Variants in CALN1 observed in about 807,000 individuals in gnomAD.
The protein encoded by CALN1 is calcium-binding protein 8.
CALN1 carries 17 observed loss-of-function variants against 30.6 expected under a neutral mutation model. That is an observed-to-expected ratio of 0.56 (90% CI 0.38 to 0.83). The LOEUF (loss-of-function observed/expected upper bound fraction) is 0.83. Ranked by LOEUF, CALN1 falls within the 40% of genes least tolerant of loss-of-function variation. The pLI is 0.00. For missense variants in CALN1, 291 were observed against 354.9 expected, an observed-to-expected ratio of 0.82 and a Z score of 1.45; for synonymous variants, 156 against 131.4, an observed-to-expected ratio of 1.19 and a Z score of -1.28.
upstream of CALN1, among the ~76,000 whole-genome samples, chr7:72,414,963 T>G (rs558013588): frequency 6.6e-6 from 1 of 152,158 alleles, no homozygotes; most frequent in Non-Finnish European, 1.5e-5. Context: ...GTTTTAAGGG[T>G]GAAACCCTAA....
intron 2 of CALN1, chr7:72,336,828 G>A (rs1802087683): frequency 2.0e-6 from 2 of 984,932 alleles, no homozygotes; most frequent in South Asian, 4.7e-5. Context: ...GCAGCGCTCA[G>A]CCTCTCGCTC....
intron 3 of CALN1, among the ~76,000 whole-genome samples, chr7:72,179,186 A>C (rs1014217257): frequency 6.6e-6 from 1 of 152,264 alleles, no homozygotes; most frequent in African/African-American, 2.4e-5. Context: ...ATTCAGTAAC[A>C]AAACGAAGTA....
intron 5 of CALN1, among the ~76,000 whole-genome samples, chr7:72,019,771 A>G (rs552782407): frequency 1.3e-5 from 2 of 152,306 alleles, no homozygotes; most frequent in East Asian, 3.9e-4. Context: ...CAGCTCAGCC[A>G]GCTTTCAAAT....
intron 5 of CALN1, among the ~76,000 whole-genome samples, chr7:71,924,005 C>A (rs1795122151): frequency 6.6e-6 from 1 of 151,870 alleles, no homozygotes; most frequent in African/African-American, 2.4e-5. Context: ...CCATCCTGGC[C>A]AACATGGTGA....
At chr7:71,811,505 C>T (rs1320811394) in intron 5 of CALN1, among the ~76,000 whole-genome samples, 2 of 151,996 alleles carry the variant, frequency 1.3e-5, no homozygotes, top group Non-Finnish European at 2.9e-5. Flanking sequence ...CTGTGCCTGG[C>T]CATGAATCTT....
intron 5 of CALN1, among the ~76,000 whole-genome samples, chr7:71,857,300 A>C (rs909886762): frequency 2.0e-5 from 3 of 152,292 alleles, no homozygotes; most frequent in African/African-American, 7.2e-5. Flanking sequence ...TTTTGAAGAA[A>C]GCTTCATTCT....
chr7:72,042,771 A>G (rs535036819), intron 4 of CALN1, among the ~76,000 whole-genome samples: 2 of 152,300 alleles, frequency 1.3e-5, no homozygotes, highest in South Asian at 4.1e-4. Flanking sequence ...AAAAGGAAAA[A>G]GGGTGCTTAG....
the CALN1 span, among the ~76,000 whole-genome samples, chr7:72,493,202 T>G: frequency 6.6e-6 from 1 of 152,174 alleles, no homozygotes; most frequent in Non-Finnish European, 1.5e-5. Flanking sequence ...CAGCCACTAA[T>G]CTCTGTCTCT....
chr7:71,800,687 GA>G (rs1394543885), intron 6 of CALN1, among the ~76,000 whole-genome samples: 1 of 152,120 alleles, frequency 6.6e-6, no homozygotes, highest in Non-Finnish European at 1.5e-5. Context: ...CGTTTCGTAT[GA>G]AGACTTTGAA....
intron 2 of CALN1, among the ~76,000 whole-genome samples, chr7:72,301,082 G>A (rs1211730083): frequency 6.6e-6 from 1 of 152,170 alleles, no homozygotes; most frequent in African/African-American, 2.4e-5. Context: ...CTGGAGGGCA[G>A]GATGAATTCA....
intron 3 of CALN1, among the ~76,000 whole-genome samples, chr7:72,122,636 G>A (rs959691463): frequency 9.2e-5 from 14 of 152,084 alleles, no homozygotes; most frequent in Non-Finnish European, 1.9e-4. Context: ...TGAGGTGGGG[G>A]GATCACTTGA....
intron 5 of CALN1, among the ~76,000 whole-genome samples, chr7:71,964,355 T>C (rs1797423314): frequency 6.6e-6 from 1 of 152,122 alleles, no homozygotes; most frequent in Non-Finnish European, 1.5e-5. Context: ...TTGGTGGGCG[T>C]CTGTTACAGT....
intron 3 of CALN1, among the ~76,000 whole-genome samples, chr7:72,236,544 C>A (rs1434989271): frequency 6.6e-6 from 1 of 152,206 alleles, no homozygotes; most frequent in Non-Finnish European, 1.5e-5. Flanking sequence ...AACCTCAAGT[C>A]CTGCCATTCA....
intron 5 of CALN1, among the ~76,000 whole-genome samples, chr7:71,957,333 GA>G (rs1258185742): frequency 1.1e-4 from 17 of 151,898 alleles, no homozygotes; most frequent in African/African-American, 4.1e-4. Context: ...AATGATTCTG[GA>G]AAGACAAAAA....
At chr7:71,987,781 T>G (rs1798751021) in intron 5 of CALN1, among the ~76,000 whole-genome samples, 1 of 152,240 alleles carries the variant, frequency 6.6e-6, no homozygotes, top group Non-Finnish European at 1.5e-5. Flanking sequence ...TCTTTCCGGA[T>G]AGCAGGCTCG....
intron 2 of CALN1, among the ~76,000 whole-genome samples, chr7:72,334,210 A>G (rs1486857511): frequency 6.6e-6 from 1 of 152,198 alleles, no homozygotes; most frequent in Non-Finnish European, 1.5e-5. Context: ...TTAAACGTCC[A>G]AAGTCTATCA....
Position 71,896,758 on chromosome 7 carries a change from C to T in CALN1, c.502-86266G>A, listed in dbSNP as rs531907873. Among the ~76,000 whole-genome samples, 4 of 152,232 alleles carry T rather than the reference C, an allele frequency of 2.6e-5. No individual in the cohort carries two copies. The South Asian group carries it at 6.2e-4, about 24-fold the overall frequency. On this transcript the variant is annotated intron_variant, in intron 5 of 6. Coordinates refer to ENST00000395275, the MANE Select transcript of CALN1 (RefSeq NM_031468.4). ...GGCACACGTCTTTGTTCTGAGGCAG[C>T]CAGAGAGCTCTTAGCTCCTCTCCAC...
At position 72,140,620 on chromosome 7, in the gene CALN1, A is replaced by C. The variant is rs1585023839; in HGVS notation, c.245-34326T>G. On this transcript the variant is annotated intron_variant, in intron 3 of 6. Transcript: ENST00000395275. The stretch of plus-strand genomic sequence containing the variant: ...GGCAGGGTGTGGCCAGTCTGGGCCT[A>C]TGTGGCCTATGTCTGTTGAATGGTA... Among the ~76,000 whole-genome samples the C allele has an allele frequency of 2.0e-5, 3 of 152,336 alleles. No individual in the cohort carries two copies. In the South Asian group the frequency reaches 6.2e-4, roughly 32 times the overall value.
intron 5 of CALN1, among the ~76,000 whole-genome samples, chr7:71,837,337 C>A (rs1789683471): frequency 6.6e-6 from 1 of 150,528 alleles, no homozygotes; most frequent in South Asian, 2.1e-4. Flanking sequence ...AGATGTCTAG[C>A]CTTAGACATA....
Sources: allele counts gnomAD v4.1 joint callset (sites outside exome capture counted in the v4.1 genomes callset), GRCh38; gene constraint gnomAD v4.1.1; transcripts MANE v1.5; gene names NCBI Gene and HGNC (gene_info 2026-07-23, HGNC 2026-07-21).